The following PCDHGA4 variants were observed in gnomAD, a reference collection of about 807,000 sequenced individuals.
PCDHGA4 encodes the protein protocadherin gamma subfamily A, 4.
Under a neutral mutation model 54.6 loss-of-function variants are expected in PCDHGA4, and 38 were observed. That is an observed-to-expected ratio of 0.70 (90% CI 0.54 to 0.91). The LOEUF is 0.91. Among genes scored for constraint, PCDHGA4 ranks in the 40% least tolerant of loss-of-function variants. PCDHGA4 has a pLI of 0.00. For synonymous variants in PCDHGA4, 511 were observed against 512.9 expected (o/e 1.00, Z 0.05); for missense variants, 1,298 against 1,220.9 (o/e 1.06, Z -0.94).
At chr5:141,469,782 G>A (rs760985231) in intron 1 of PCDHGA4, among the ~76,000 whole-genome samples, 8 of 152,204 alleles carry the variant, frequency 5.3e-5, no homozygotes, top group African/African-American at 1.7e-4. Context: ...TTATTACAGC[G>A]TTATTTGTAA....
In PCDHGA4 at chr5:141,433,040, A is replaced by ACGGACT. The variant is rs753119003; in HGVS notation, c.2515-61764_2515-61759dup. The ACGGACT allele has an allele frequency of 8.1e-6, 13 of 1,614,088 alleles. No homozygotes were observed. In the African/African-American group the frequency reaches 1.7e-4, roughly 22 times the overall value. On this transcript the variant is annotated intron_variant, in intron 1 of 3. Transcript: ENST00000571252. ...CTATTCCCACGAGGTTTCCCTCACC[A>ACGGACT]CGGACTCGCGGAAGAGTCACCTGAT...
chr5:141,365,760 A>G, intron 1 of PCDHGA4: 1 of 1,613,756 alleles, frequency 6.2e-7, no homozygotes, highest in Non-Finnish European at 8.5e-7. Context: ...GTGACAGCCC[A>G]TGACCCCGAC....
chr5:141,431,767 T>G lies in PCDHGA4; in HGVS notation c.2515-63040T>G, dbSNP rs1397063213. On this transcript the variant is annotated intron_variant, in intron 1 of 3. Coordinates refer to ENST00000571252, the MANE Select transcript of PCDHGA4 (RefSeq NM_018917.4). The surrounding 1 kb of genome is among the most constrained non-coding windows in gnomAD (Gnocchi z 4.8). ...CTGCGCGAGCCAAAGTCCTGATCAC[T>G]GTTCTGGACGTGAACGACAATGCCC... The G allele has an allele frequency of 6.2e-7, 1 of 1,614,224 alleles. No individual in the cohort carries two copies.
In PCDHGA4 at chr5:141,431,940, T is replaced by G; in HGVS notation, c.2515-62867T>G. ...ATCCAAGGAAATCTGCCCTTTAAAT[T>G]AGAAAAATCTTACGGAAATTACTAT... On this transcript the variant is annotated intron_variant, in intron 1 of 3. Coordinates refer to ENST00000571252, the MANE Select transcript of PCDHGA4 (RefSeq NM_018917.4). The surrounding 1 kb of genome is among the most constrained non-coding windows in gnomAD (Gnocchi z 4.8). 2 of 1,614,132 alleles carry G rather than the reference T, an allele frequency of 1.2e-6. No homozygotes were observed. Among genetic ancestry groups the G allele is most frequent in the Non-Finnish European group, 1.7e-6 (2 of 1,179,998 alleles).
intron 1 of PCDHGA4, chr5:141,402,878 G>A: frequency 1.4e-6 from 2 of 1,471,050 alleles, no homozygotes; most frequent in Non-Finnish European, 1.8e-6. Context: ...ACCATACTTT[G>A]CAGGGTGGAA....
chr5:141,385,111 T>C (rs373196114), intron 1 of PCDHGA4: 1 of 1,614,188 alleles, frequency 6.2e-7, no homozygotes, highest in South Asian at 1.1e-5. Context: ...CGTGCCCACC[T>C]CGCACTTTGT....
At chr5:141,372,231 G>C (rs868293386) in intron 1 of PCDHGA4, 4 of 1,613,256 alleles carry the variant, frequency 2.5e-6, no homozygotes, top group Non-Finnish European at 3.4e-6. Context: ...GCAGGCCAGC[G>C]AGCCCGGGCT....
At chr5:141,414,508 C>T in intron 1 of PCDHGA4, 1 of 1,613,970 alleles carries the variant, frequency 6.2e-7, no homozygotes, top group Non-Finnish European at 8.5e-7. Context: ...CTTTATGCTA[C>T]AAGTGGCAGA....
At chr5:141,413,443 A>G (rs2095641277) in intron 1 of PCDHGA4, 1 of 1,613,986 alleles carries the variant, frequency 6.2e-7, no homozygotes, top group Admixed American at 1.7e-5. Context: ...CAGCTTGATC[A>G]CCGCGGGCAG....
At chr5:141,409,919 G>T (rs774277848) in intron 1 of PCDHGA4, 1 of 1,613,346 alleles carries the variant, frequency 6.2e-7, no homozygotes, top group Non-Finnish European at 8.5e-7. Context: ...TGACGGCTCC[G>T]CGTTCTTCGA....
intron 1 of PCDHGA4, among the ~76,000 whole-genome samples, chr5:141,362,988 G>A (rs1762757672): frequency 6.6e-6 from 1 of 152,224 alleles, no homozygotes; most frequent in South Asian, 2.1e-4. Flanking sequence ...TTGCATAATG[G>A]CATGGCTTGT....
intron 1 of PCDHGA4, chr5:141,427,972 C>A: frequency 6.3e-7 from 1 of 1,593,948 alleles, no homozygotes; most frequent in Non-Finnish European, 8.6e-7. Context: ...GTGCTGTACC[C>A]CGCGCTGGGG....
At chr5:141,430,383 GA>G (rs139772145) in intron 1 of PCDHGA4, among the ~76,000 whole-genome samples, 3,229 of 138,382 alleles carry the variant, frequency 0.023, 41 homozygotes, top group African/African-American at 0.033. Flanking sequence ...AGCTCATTGG[GA>G]AAAAAAAAAA....
intron 1 of PCDHGA4, chr5:141,433,139 T>G: frequency 6.2e-7 from 1 of 1,614,068 alleles, no homozygotes; most frequent in Non-Finnish European, 8.5e-7. Context: ...CCTTTTGCTG[T>G]CAGGTGATTC....
chr5:141,501,164 G>C (rs991995325), intron 2 of PCDHGA4, among the ~76,000 whole-genome samples: 32 of 152,144 alleles, frequency 2.1e-4, no homozygotes, highest in African/African-American at 7.7e-4. Context: ...ACCATCCCCA[G>C]CCTCATTTAC....
rs779091289 is a variant in PCDHGA4 at position 141,357,426 on chromosome 5, C to T, written c.2319C>T (p.Gly773=). Residue 773 remains glycine, a synonymous_variant, in exon 1 of 4, where the codon GGC becomes GGT. Coordinates refer to ENST00000571252, the MANE Select transcript of PCDHGA4 (RefSeq NM_018917.4). ...LAGVPASHFV[G]VDGVRAFLQT... ...GTGTGCCTGCCTCGCACTTTGTGGG[C>T]GTGGACGGGGTTCGGGCTTTCCTGC... is the stretch of plus-strand genomic sequence containing the variant. 2.1e-5 allele frequency: 34 copies of T among 1,614,084 alleles called. No homozygotes were observed. The highest frequency in any genetic ancestry group is 1.2e-4 in the South Asian group (11 of 91,092).
At chr5:141,438,635 T>TAC (rs56854727) in intron 1 of PCDHGA4, among the ~76,000 whole-genome samples, 5 of 33,422 alleles carry the variant, frequency 1.5e-4, no homozygotes, top group Admixed American at 8.3e-4. Flanking sequence ...TATATATATA[T>TAC]ACACACACAC....
At chr5:141,406,177 A>G (rs929841923) in intron 1 of PCDHGA4, among the ~76,000 whole-genome samples, 2 of 151,308 alleles carry the variant, frequency 1.3e-5, no homozygotes. Flanking sequence ...GGCTTATGCA[A>G]TCCTCCCACC....
rs1438257730 is a variant in PCDHGA4, at chr5:141,477,587, C to G, written c.2515-17220C>G. 4.3e-6 allele frequency: 7 copies of G among 1,614,094 alleles called. 1 individual carries two copies. In the South Asian group the frequency reaches 7.7e-5, roughly 18 times the overall value. ...GGACCCCGACGCCCCGCAGAATGCT[C>G]GGCTTTCTTTCTTTCTCTTGGAGCA... On this transcript the variant is annotated intron_variant, in intron 1 of 3. Transcript: ENST00000571252. The surrounding 1 kb of genome is among the most constrained non-coding windows in gnomAD (Gnocchi z 4.9).
Sources: gnomAD v4.1 joint callset for allele counts (sites outside exome capture counted in the v4.1 genomes callset) on GRCh38, gnomAD v4.1.1 for gene constraint, Gnocchi (gnomAD v3.1) non-coding constraint, MANE v1.5 for transcripts, NCBI Gene and HGNC (gene_info 2026-07-23, HGNC 2026-07-21) for gene names.